The following PPP1R7 variants were observed in gnomAD, a reference collection of about 807,000 sequenced individuals.
PPP1R7 encodes protein phosphatase 1 regulatory subunit 7.
In PPP1R7, 18 loss-of-function variants were observed where a neutral mutation model predicts 45.2. The ratio of observed to expected loss-of-function variants is 0.40; its 90% CI spans 0.28 to 0.59. The LOEUF is 0.59. Among genes scored for constraint, PPP1R7 ranks in the 20% least tolerant of loss-of-function variants. The pLI, the probability that PPP1R7 is intolerant of heterozygous loss-of-function variation, is 0.46. For missense variants in PPP1R7, 314 were observed against 455.8 expected (o/e 0.69, Z 2.83); for synonymous variants, 181 against 183.4 (o/e 0.99, Z 0.11).
Position 241,158,485 on chromosome 2 carries a change from A to T in PPP1R7, c.239A>T (p.Asp80Val), listed in dbSNP as rs755568200. Residue 80 changes from aspartate (D) to valine (V), a missense_variant and splice_region_variant, in exon 4 of 10, where the codon GAT becomes GTT. Asp to Val is a radical substitution (Grantham distance 152). This residue lies in a region of PPP1R7 where 112 missense variants were observed against 144.5 expected (regional missense o/e 0.78). Transcript: ENST00000234038. ...GTATAGATTTCTGCTTTGTTTCAGG[A>T]TGTTGATTTGAATCACTATCGCATA... is the stretch of plus-strand genomic sequence containing the variant. ...ETINLDRDAE[D>V]VDLNHYRIGK... The T allele has an allele frequency of 6.2e-7, 1 of 1,613,910 alleles. No homozygotes were observed. The highest frequency in any genetic ancestry group is 1.1e-5 in the South Asian group (1 of 91,078).
rs138280996 is a variant in PPP1R7 at position 241,174,280 on chromosome 2, C to T, written c.906+4413C>T. ...TGGTTGACGGGAACACAAACATGGACCTGCTATGGGTGAGCTCTGGGCATT... is the reference window on the plus strand; with the variant it reads ...TGGTTGACGGGAACACAAACATGGATCTGCTATGGGTGAGCTCTGGGCATT... On this transcript the variant is annotated intron_variant, in intron 9 of 9. Transcript: ENST00000234038. 3.3e-5 allele frequency among the ~76,000 whole-genome samples: 5 copies of T among 152,276 alleles called. No homozygotes were observed. In the East Asian group the frequency reaches 9.6e-4, roughly 29 times the overall value.
intron 3 of PPP1R7, 115 bp from the exon 4 acceptor site, chr2:241,158,369 A>T (rs2067507728): frequency 3.3e-6 from 3 of 900,800 alleles, no homozygotes; most frequent in Non-Finnish European, 5.5e-6. Context: ...TCTGCTGCAG[A>T]CCCACCTGGC....
chr2:241,154,777 CG>C (rs2067413951), intron 2 of PPP1R7, among the ~76,000 whole-genome samples: 1 of 152,154 alleles, frequency 6.6e-6, no homozygotes, highest in East Asian at 1.9e-4. Context: ...ACACATCAAA[CG>C]GGCTGAGTCT....
At chr2:241,166,831 G>A (rs943067232) in intron 8 of PPP1R7, among the ~76,000 whole-genome samples, 4 of 152,098 alleles carry the variant, frequency 2.6e-5, no homozygotes, top group Non-Finnish European at 5.9e-5. Context: ...AGGGTGACTG[G>A]CATCCCTTTA....
intron 9 of PPP1R7, among the ~76,000 whole-genome samples, chr2:241,181,177 G>A (rs1257940899): frequency 1.3e-5 from 2 of 152,052 alleles, no homozygotes; most frequent in Admixed American, 6.5e-5. Flanking sequence ...CAGCCTGGGC[G>A]ACAGAGCGAG....
chr2:241,173,881 G>C (rs1332858893), intron 9 of PPP1R7, among the ~76,000 whole-genome samples: 1 of 148,098 alleles, frequency 6.8e-6, no homozygotes, highest in Non-Finnish European at 1.5e-5. Flanking sequence ...TTCAGATACT[G>C]TATTTTTCTC....
intron 7 of PPP1R7, 131 bp downstream of exon 7, chr2:241,163,532 A>G: frequency 3.0e-6 from 2 of 666,766 alleles, no homozygotes; most frequent in Middle Eastern, 4.0e-4. Context: ...AGCAATTGAA[A>G]CATTAGATGC....
chr2:241,151,522 C>T (rs2067304357), intron 1 of PPP1R7: 1 of 471,132 alleles, frequency 2.1e-6, no homozygotes, highest in Admixed American at 2.3e-5. Flanking sequence ...GAGCAAGAAT[C>T]ACTCAAGACG....
chr2:241,162,452 G>C (rs190684689), intron 6 of PPP1R7, among the ~76,000 whole-genome samples: 11 of 152,324 alleles, frequency 7.2e-5, no homozygotes, highest in African/African-American at 1.9e-4. Context: ...TCACCATGGG[G>C]AGACCAGACA....
rs758816488 is a variant in PPP1R7 at position 241,166,438 on chromosome 2, C to T, written c.816C>T (p.Asn272=). The T allele has an allele frequency of 6.2e-7, 1 of 1,613,260 alleles. No individual in the cohort carries two copies. Among genetic ancestry groups the T allele is most frequent in the East Asian group, 2.2e-5 (1 of 44,854 alleles). The part of the protein sequence containing the change: ...NGIEVIEGLE[N]NNKLTMLDIA... ...TCGAGGTCATCGAGGGCCTGGAGAA[C>T]AATGTAAGACACCCACTGTCTGTCT... is the stretch of plus-strand genomic sequence containing the variant. The change falls in exon 8 of 10, where the codon AAC becomes AAT. Residue 272 remains asparagine, a synonymous_variant. Coordinates refer to ENST00000234038, the MANE Select transcript of PPP1R7 (RefSeq NM_002712.3).
At chr2:241,156,376 A>T (rs2067457499) in intron 2 of PPP1R7, among the ~76,000 whole-genome samples, 1 of 152,262 alleles carries the variant, frequency 6.6e-6, no homozygotes, top group South Asian at 2.1e-4. Flanking sequence ...AAAGAAATTT[A>T]AGAAAAATGC....
intron 9 of PPP1R7, among the ~76,000 whole-genome samples, chr2:241,181,249 T>G (rs541273609): frequency 7.9e-5 from 12 of 152,050 alleles, no homozygotes; most frequent in Non-Finnish European, 1.6e-4. Flanking sequence ...AGATGCACGT[T>G]ATATTCCTCT....
intron 9 of PPP1R7, among the ~76,000 whole-genome samples, chr2:241,174,144 T>G (rs1008398808): frequency 6.6e-6 from 1 of 152,234 alleles, no homozygotes; most frequent in Non-Finnish European, 1.5e-5. Flanking sequence ...TAAGCTTTAT[T>G]AGAGTACATC....
chr2:241,150,472 C>T lies in PPP1R7; in HGVS notation c.-24C>T. ...GCTGAGGGGTCTGAGGCGACAGATT[C>T]CGGAAAGGGGAAGAGCAGCCAACAT... On this transcript the variant is annotated 5_prime_UTR_variant, in exon 1 of 10. Coordinates refer to ENST00000234038, the MANE Select transcript of PPP1R7 (RefSeq NM_002712.3). 1 of 1,574,162 alleles carries T rather than the reference C, an allele frequency of 6.4e-7. No individual in the cohort carries two copies. The highest frequency in any genetic ancestry group is 1.1e-5 in the South Asian group (1 of 87,854).
At chr2:241,180,461 C>T (rs1281264334) in intron 9 of PPP1R7, among the ~76,000 whole-genome samples, 1 of 149,172 alleles carries the variant, frequency 6.7e-6, no homozygotes, top group East Asian at 2.0e-4. Context: ...TACAGATTTG[C>T]GTTGGGCCTC....
Position 241,160,502 on chromosome 2 carries a change from C to G in PPP1R7, c.597+8C>G. 6.3e-7 allele frequency: 1 copy of G among 1,594,626 alleles called. No homozygotes were observed. Among genetic ancestry groups the G allele is most frequent in the Non-Finnish European group, 8.5e-7 (1 of 1,172,264 alleles). ...GGATCTAACCGCATCCGGGTAGGTG[C>G]AGACAGCCCTGACTAGTATATTCAG... is the stretch of plus-strand genomic sequence containing the variant. On this transcript the variant is annotated splice_region_variant and intron_variant, in intron 6 of 9. Coordinates refer to ENST00000234038, the MANE Select transcript of PPP1R7 (RefSeq NM_002712.3).
At chr2:241,181,820 T>G (rs552747759) in intron 9 of PPP1R7, among the ~76,000 whole-genome samples, 3 of 152,316 alleles carry the variant, frequency 2.0e-5, no homozygotes, top group Admixed American at 1.3e-4. Context: ...GTGCCCGTGC[T>G]CTTGCCACCG....
intron 7 of PPP1R7, among the ~76,000 whole-genome samples, chr2:241,163,994 A>G (rs1302962629): frequency 6.6e-6 from 1 of 151,716 alleles, no homozygotes; most frequent in African/African-American, 2.4e-5. Flanking sequence ...ATAGCTCACT[A>G]TAGCCTCACA....
intron 7 of PPP1R7, among the ~76,000 whole-genome samples, chr2:241,164,260 G>A (rs956999333): frequency 6.6e-6 from 1 of 152,042 alleles, no homozygotes; most frequent in Non-Finnish European, 1.5e-5. Flanking sequence ...AGTCATAGAT[G>A]GTTTTTAGCC....
Sources: gnomAD v4.1 joint callset for allele counts (sites outside exome capture counted in the v4.1 genomes callset) on GRCh38, gnomAD v4.1.1 for gene constraint, gnomAD v4.1.1 regional missense constraint, MANE v1.5 for transcripts, NCBI Gene and HGNC (gene_info 2026-07-23, HGNC 2026-07-21) for gene names.